The following NR6A1 variants were observed in gnomAD, a reference collection of about 807,000 sequenced individuals.
NR6A1 encodes the protein retinoic acid receptor-related testis-associated receptor.
In NR6A1, 7 loss-of-function variants were observed where a neutral mutation model predicts 59.1. That is an observed-to-expected ratio of 0.12 (90% CI 0.07 to 0.22). NR6A1 has a LOEUF of 0.22. Among genes scored for constraint, NR6A1 ranks in the 10% least tolerant of loss-of-function variants. The pLI is 1.00. For missense variants in NR6A1, 468 were observed against 611.6 expected, an observed-to-expected ratio of 0.77 and a Z score of 2.48; for synonymous variants, 243 against 236.1, an observed-to-expected ratio of 1.03 and a Z score of -0.27.
rs1554723932 is a variant in NR6A1, at chr9:124,524,890, AACAC to A, written c.1202-21_1202-18del. ...CCCTGATATCTGTGGAAAAAAAAAA[AACAC>A]ACACACACATACAGGGAATGGGATG... is the stretch of plus-strand genomic sequence containing the variant. On this transcript the variant is annotated intron_variant, in intron 8 of 9. Transcript: ENST00000487099. The A allele has an allele frequency of 1.3e-6, 2 of 1,582,382 alleles. No homozygotes were observed.
intron 2 of NR6A1, among the ~76,000 whole-genome samples, chr9:124,597,695 T>G (rs1835317194): frequency 6.6e-6 from 1 of 152,136 alleles, no homozygotes; most frequent in Non-Finnish European, 1.5e-5. Flanking sequence ...ACAATTAAGT[T>G]TCATCTTTGG....
chr9:124,609,676 T>C (rs758440118), intron 2 of NR6A1, among the ~76,000 whole-genome samples: 1 of 152,246 alleles, frequency 6.6e-6, no homozygotes, highest in African/African-American at 2.4e-5. Context: ...GGGAATAGCA[T>C]TGCATCTATA....
At chr9:124,636,799 A>G (rs1836623007) in intron 2 of NR6A1, among the ~76,000 whole-genome samples, 1 of 152,188 alleles carries the variant, frequency 6.6e-6, no homozygotes, top group African/African-American at 2.4e-5. Context: ...GGCCAATACC[A>G]CACTGTCTTG....
chr9:124,731,651 G>A (rs559225789), intron 2 of NR6A1, among the ~76,000 whole-genome samples: 2 of 152,264 alleles, frequency 1.3e-5, no homozygotes, highest in South Asian at 4.2e-4. Context: ...GCATGAAGGT[G>A]GTGAGGATGA....
chr9:124,673,101 T>C (rs1837845150), intron 2 of NR6A1, among the ~76,000 whole-genome samples: 1 of 152,122 alleles, frequency 6.6e-6, no homozygotes, highest in African/African-American at 2.4e-5. Flanking sequence ...GCTAGCGGAT[T>C]GCTTGAGCCC....
chr9:124,610,734 C>CT (rs1353858274), intron 2 of NR6A1, among the ~76,000 whole-genome samples: 2 of 152,200 alleles, frequency 1.3e-5, no homozygotes, highest in Middle Eastern at 3.4e-3. Flanking sequence ...TGGTCCTCGG[C>CT]TTTTTTTGGT....
intron 2 of NR6A1, among the ~76,000 whole-genome samples, chr9:124,629,699 T>C (rs994085162): frequency 2.6e-5 from 4 of 152,362 alleles, no homozygotes; most frequent in African/African-American, 9.6e-5. Flanking sequence ...AGAAGAATAC[T>C]GTTTCTTCCT....
intron 2 of NR6A1, among the ~76,000 whole-genome samples, chr9:124,688,186 A>G (rs916603642): frequency 6.6e-6 from 1 of 152,066 alleles, no homozygotes; most frequent in Non-Finnish European, 1.5e-5. Flanking sequence ...TCAGCCAGGC[A>G]TGGTGGCATG....
intron 2 of NR6A1, among the ~76,000 whole-genome samples, chr9:124,584,727 T>C (rs746318001): frequency 1.3e-5 from 2 of 152,126 alleles, no homozygotes; most frequent in Non-Finnish European, 2.9e-5. Flanking sequence ...CCCTTGGGCC[T>C]CTCCATTCTC....
intron 2 of NR6A1, among the ~76,000 whole-genome samples, chr9:124,627,895 T>TC (rs1410024461): frequency 6.7e-6 from 1 of 148,468 alleles, no homozygotes; most frequent in Non-Finnish European, 1.5e-5. Context: ...TTTTTTTTTT[T>TC]TTTTTTTTTT....
intron 2 of NR6A1, among the ~76,000 whole-genome samples, chr9:124,616,001 A>T (rs1464645611): frequency 1.3e-5 from 2 of 152,028 alleles, no homozygotes; most frequent in Non-Finnish European, 2.9e-5. Context: ...CTGGGATTAC[A>T]GGCGTGAGTC....
At chr9:124,653,914 C>T (rs1420631636) in intron 2 of NR6A1, among the ~76,000 whole-genome samples, 1 of 152,048 alleles carries the variant, frequency 6.6e-6, no homozygotes, top group African/African-American at 2.4e-5. Context: ...CATTATGTGC[C>T]GAGGACATAT....
At chr9:124,530,960 G>T (rs1275632347) in intron 7 of NR6A1, among the ~76,000 whole-genome samples, 1 of 152,162 alleles carries the variant, frequency 6.6e-6, no homozygotes, top group Non-Finnish European at 1.5e-5. Flanking sequence ...CTCATCTCTA[G>T]AACAGGGATA....
chr9:124,704,883 C>T (rs1207635275), intron 2 of NR6A1, among the ~76,000 whole-genome samples: 4 of 152,026 alleles, frequency 2.6e-5, no homozygotes, highest in African/African-American at 7.2e-5. Context: ...GGACCAGAAG[C>T]GCATGCCACA....
At chr9:124,732,385 C>A (rs1839908707) in intron 2 of NR6A1, among the ~76,000 whole-genome samples, 1 of 152,208 alleles carries the variant, frequency 6.6e-6, no homozygotes, top group South Asian at 2.1e-4. Context: ...TGTCCTATTT[C>A]TAACCATTAT....
At chr9:124,575,524 A>T (rs552351359) in intron 2 of NR6A1, among the ~76,000 whole-genome samples, 2 of 152,036 alleles carry the variant, frequency 1.3e-5, no homozygotes, top group South Asian at 4.2e-4. Context: ...CAATGAGCCG[A>T]GATCACACCA....
rs1378488694 is a variant in NR6A1 at position 124,660,647 on chromosome 9, A to AG, written c.142+72660_142+72661insC. Among the ~76,000 whole-genome samples, 32 of 116,108 alleles carry AG rather than the reference A, an allele frequency of 2.8e-4. No homozygotes were observed. The East Asian group carries it at 8.1e-3, about 29-fold the overall frequency. 76.2% of individuals were successfully genotyped at this position (116,108 alleles called of 152,430 possible). A position where few individuals can be genotyped will look rare whatever the true frequency, so the allele number is the denominator to read the frequency against. The stretch of plus-strand genomic sequence containing the variant: ...ATGCACTCCTGGCAGCTCTGAGAAT[A>AG]CAAAAAAAAAAAAAAAAAAAAGGCA... On this transcript the variant is annotated intron_variant, in intron 2 of 9. Transcript: ENST00000487099.
intron 2 of NR6A1, among the ~76,000 whole-genome samples, chr9:124,702,848 C>T (rs1484819754): frequency 1.3e-5 from 2 of 152,012 alleles, no homozygotes; most frequent in East Asian, 3.9e-4. Context: ...CAGTCTCAGG[C>T]ATTCCCTTAG....
At chr9:124,641,371 A>G (rs1243559221) in intron 2 of NR6A1, among the ~76,000 whole-genome samples, 7 of 151,776 alleles carry the variant, frequency 4.6e-5, no homozygotes, top group Non-Finnish European at 1.0e-4. Flanking sequence ...AAAAAAAAAA[A>G]AAAGAAAAGA....
Sources: allele counts gnomAD v4.1 joint callset (sites outside exome capture counted in the v4.1 genomes callset), GRCh38; gene constraint gnomAD v4.1.1; transcripts MANE v1.5; gene names NCBI Gene and HGNC (gene_info 2026-07-23, HGNC 2026-07-21).